GABRB1: variants seen among roughly 807,000 people sequenced by gnomAD.
GABRB1 encodes gamma-aminobutyric acid type A receptor subunit beta1.
Under a neutral mutation model 51.6 loss-of-function variants are expected in GABRB1, and 17 were observed. The ratio of observed to expected loss-of-function variants is 0.33; its 90% CI spans 0.23 to 0.49. The LOEUF is 0.49. Ranked by LOEUF, GABRB1 falls within the 20% of genes least tolerant of loss-of-function variation. GABRB1 has a pLI of 0.99. For synonymous variants in GABRB1, 247 were observed against 218.9 expected, an observed-to-expected ratio of 1.13 and a Z score of -1.14; for missense variants, 410 against 600.6, an observed-to-expected ratio of 0.68 and a Z score of 3.32.
intron 4 of GABRB1, among the ~76,000 whole-genome samples, chr4:47,193,677 GAGTCTACACTGAAAGCATTT>G (rs1459663080): frequency 6.6e-6 from 1 of 151,922 alleles, no homozygotes; most frequent in African/African-American, 2.4e-5. Flanking sequence ...TTTACCCTAA[GAGTCTACACTGAAAGCATTT>G]AGTCTAAACC....
rs560661612 is a variant in GABRB1 at position 47,080,614 on chromosome 4, G to T, written c.240+48130G>T. On this transcript the variant is annotated intron_variant, in intron 3 of 8. Coordinates refer to ENST00000295454, the MANE Select transcript of GABRB1 (RefSeq NM_000812.4). ...TATTTTGTTTTGGAGACAAGGTCTT[G>T]CTATTTTGCCTAGGCTGGATTCAAA... 2.0e-5 allele frequency among the ~76,000 whole-genome samples: 3 copies of T among 152,214 alleles called. No individual in the cohort carries two copies. The East Asian group carries it at 5.8e-4, about 29-fold the overall frequency.
rs1325348875 is a variant in GABRB1, at chr4:47,123,989, A to ACC, written c.241-37259_241-37258insCC. ...TAAATGCACACATGCACACACACAC[A>ACC]CACATGCATATATATATAATCTTGC... is the stretch of plus-strand genomic sequence containing the variant. On this transcript the variant is annotated intron_variant, in intron 3 of 8. Coordinates refer to ENST00000295454, the MANE Select transcript of GABRB1 (RefSeq NM_000812.4). Among the ~76,000 whole-genome samples, 27 of 127,488 alleles carry ACC rather than the reference A, an allele frequency of 2.1e-4. 1 individual carries two copies. The highest frequency in any genetic ancestry group is 8.1e-4 in the African/African-American group (27 of 33,272). 83.6% of individuals were successfully genotyped at this position (127,488 alleles called of 152,430 possible).
chr4:47,043,805 A>T (rs1725962157), intron 3 of GABRB1, among the ~76,000 whole-genome samples: 1 of 152,118 alleles, frequency 6.6e-6, no homozygotes, highest in Admixed American at 6.6e-5. Context: ...TGTCATTATT[A>T]GAACTTGATG....
chr4:47,033,111 C>T (rs553232097), intron 3 of GABRB1: 3 of 195,128 alleles, frequency 1.5e-5, no homozygotes, highest in Non-Finnish European at 2.1e-5. Flanking sequence ...ATTTGTCTTA[C>T]TGCATCTTGC....
chr4:47,341,054 T>A (rs17600330), intron 5 of GABRB1, among the ~76,000 whole-genome samples: 9,450 of 152,240 alleles, frequency 0.062, 506 homozygotes, highest in East Asian at 0.28. Context: ...TTTGATAAGA[T>A]CTTTTTATGT....
intron 1 of GABRB1, among the ~76,000 whole-genome samples, chr4:47,014,380 T>G (rs1055845053): frequency 6.6e-6 from 1 of 152,230 alleles, no homozygotes; most frequent in African/African-American, 2.4e-5. Context: ...AACCTGTCAA[T>G]ATCTAAATCT....
At chr4:47,030,649 C>T (rs995713551), upstream of GABRB1, among the ~76,000 whole-genome samples, 1 of 152,180 alleles carries the variant, frequency 6.6e-6, no homozygotes, top group African/African-American at 2.4e-5. Flanking sequence ...TGCTCAATGA[C>T]ATTTGTAGAA....
At chr4:47,187,872 T>A (rs935708951) in intron 4 of GABRB1, among the ~76,000 whole-genome samples, 7 of 151,894 alleles carry the variant, frequency 4.6e-5, no homozygotes, top group African/African-American at 1.7e-4. Flanking sequence ...GTTCTTACCA[T>A]CCCCTTTACC....
chr4:47,123,030 G>A (rs1426120552), intron 3 of GABRB1, among the ~76,000 whole-genome samples: 1 of 151,964 alleles, frequency 6.6e-6, no homozygotes, highest in African/African-American at 2.4e-5. Context: ...TACAAAATAG[G>A]AAGCTGCAAT....
At chr4:47,284,943 G>C (rs947814607) in intron 4 of GABRB1, among the ~76,000 whole-genome samples, 1 of 152,202 alleles carries the variant, frequency 6.6e-6, no homozygotes, top group African/African-American at 2.4e-5. Context: ...TAACACATTA[G>C]AGTGAACAAC....
At chr4:47,234,258 C>T (rs1025486069) in intron 4 of GABRB1, among the ~76,000 whole-genome samples, 3 of 152,082 alleles carry the variant, frequency 2.0e-5, no homozygotes, top group Non-Finnish European at 4.4e-5. Context: ...AAGGCCAAGG[C>T]GGGTGGATCA....
chr4:47,297,820 G>A (rs1361961512), intron 4 of GABRB1, among the ~76,000 whole-genome samples: 1 of 152,136 alleles, frequency 6.6e-6, no homozygotes, highest in Non-Finnish European at 1.5e-5. Flanking sequence ...GAGAATTTTA[G>A]ACCAATATCC....
At chr4:47,238,950 T>C (rs1721426335) in intron 4 of GABRB1, among the ~76,000 whole-genome samples, 1 of 152,224 alleles carries the variant, frequency 6.6e-6, no homozygotes, top group Non-Finnish European at 1.5e-5. Context: ...AAAATGTTAG[T>C]TGAGGACAGA....
intron 5 of GABRB1, among the ~76,000 whole-genome samples, chr4:47,401,846 T>G (rs1021659098): frequency 9.7e-6 from 1 of 103,296 alleles, no homozygotes; most frequent in African/African-American, 3.6e-5. Flanking sequence ...CTATCATCTA[T>G]CTATCTATCT....
intron 3 of GABRB1, among the ~76,000 whole-genome samples, chr4:47,066,874 C>T (rs963225195): frequency 6.6e-6 from 1 of 152,166 alleles, no homozygotes; most frequent in African/African-American, 2.4e-5. Flanking sequence ...ATGGTGAATC[C>T]TTTCCAGAAG....
chr4:47,174,586 G>A (rs962060620), intron 4 of GABRB1, among the ~76,000 whole-genome samples: 1 of 151,278 alleles, frequency 6.6e-6, no homozygotes, highest in Admixed American at 6.6e-5. Flanking sequence ...ATAGTTTAAA[G>A]ATGGTCCCCA....
upstream of GABRB1, among the ~76,000 whole-genome samples, chr4:47,029,373 C>A (rs1164444524): frequency 6.6e-6 from 1 of 151,726 alleles, no homozygotes; most frequent in African/African-American, 2.4e-5. Context: ...GTGTACAATT[C>A]CTTTAATTTG....
At chr4:47,113,879 A>G (rs1000458467) in intron 3 of GABRB1, among the ~76,000 whole-genome samples, 1 of 152,234 alleles carries the variant, frequency 6.6e-6, no homozygotes, top group Non-Finnish European at 1.5e-5. Context: ...CTGTTGTTAA[A>G]TAACAGACAG....
At chr4:47,295,504 A>G (rs1460628240) in intron 4 of GABRB1, among the ~76,000 whole-genome samples, 1 of 152,220 alleles carries the variant, frequency 6.6e-6, no homozygotes, top group East Asian at 1.9e-4. Flanking sequence ...AAGAAAGGGT[A>G]TCAGTGATGG....
Sources: gnomAD v4.1 joint callset for allele counts (sites outside exome capture counted in the v4.1 genomes callset) on GRCh38, gnomAD v4.1.1 for gene constraint, MANE v1.5 for transcripts, NCBI Gene and HGNC (gene_info 2026-07-23, HGNC 2026-07-21) for gene names.